The following LRSAM1 variants were observed in gnomAD, a reference collection of about 807,000 sequenced individuals.
LRSAM1 encodes E3 ubiquitin-protein ligase LRSAM1.
LRSAM1 carries 96 observed loss-of-function variants against 118.1 expected under a neutral mutation model. The ratio of observed to expected loss-of-function variants is 0.81; its 90% CI spans 0.69 to 0.96. The LOEUF is 0.96. Among genes scored for constraint, LRSAM1 ranks in the 40% least tolerant of loss-of-function variants. The probability of loss-of-function intolerance (pLI) is 0.00; values close to 1 mark genes in which losing one functional copy is unlikely to be tolerated. For synonymous variants in LRSAM1, 322 were observed against 364.2 expected, an observed-to-expected ratio of 0.88 and a Z score of 1.32; for missense variants, 804 against 915.5, an observed-to-expected ratio of 0.88 and a Z score of 1.57.
rs534666587 is a variant in LRSAM1 at position 127,473,359 on chromosome 9, G to A, written c.620-442G>A. On this transcript the variant is annotated intron_variant, in intron 10 of 25. Coordinates refer to ENST00000300417, the MANE Select transcript of LRSAM1 (RefSeq NM_001005373.4). ...ATAAAGAGCACCTACAAATCAACAG[G>A]AAAAAGACAAACAGCCAAATAGGAA... Among the ~76,000 whole-genome samples, 8 of 152,284 alleles carry A rather than the reference G, an allele frequency of 5.3e-5. 1 individual carries two copies. The South Asian group carries it at 1.7e-3, about 32-fold the overall frequency.
rs1225137439 is a variant in LRSAM1, at chr9:127,495,350, C to A, written c.1630C>A (p.Gln544Lys). The change falls in exon 22 of 26, where the codon CAG (glutamine) becomes AAG (lysine). Residue 544 changes from glutamine (Q) to lysine (K), a missense_variant. Gln to Lys is a moderately conservative substitution (Grantham distance 53). Transcript: ENST00000300417. ...TELEAKSETR[Q>K]ENYWLIQYQR... Reference sequence around the variant, plus strand: ...GTTAGAAGCCAAAAGTGAAACCAGGCAGGAAAATTACTGGCTGATTCAGTA... The same window carrying A: ...GTTAGAAGCCAAAAGTGAAACCAGGAAGGAAAATTACTGGCTGATTCAGTA... 3 of 1,614,074 alleles carry A rather than the reference C, an allele frequency of 1.9e-6. No homozygotes were observed. The Admixed American group carries it at 5.0e-5, about 27-fold the overall frequency.
At chr9:127,477,361 G>A (rs1459014023) in intron 11 of LRSAM1, among the ~76,000 whole-genome samples, 1 of 152,152 alleles carries the variant, frequency 6.6e-6, no homozygotes, top group Non-Finnish European at 1.5e-5. Context: ...CCTACCATTA[G>A]TATAGGCAAA....
chr9:127,484,810 C>CT lies in LRSAM1; in HGVS notation c.1160-910dup, dbSNP rs1376461812. Among the ~76,000 whole-genome samples the CT allele has an allele frequency of 9.4e-3, 1,273 of 135,126 alleles. 14 individuals carry two copies. The highest frequency in any genetic ancestry group is 0.012 in the African/African-American group (419 of 35,734). The allele number at this position is 135,126 out of a possible 152,430, so 88.6% of individuals were successfully genotyped here. On this transcript the variant is annotated intron_variant, in intron 16 of 25. Coordinates refer to ENST00000300417, the MANE Select transcript of LRSAM1 (RefSeq NM_001005373.4). ...TTAATTTTTTGATTTTTCTTTTTTT[C>CT]TTTTTTTTTTTTTTTTGAGATAGGG...
At position 127,473,887 on chromosome 9, in the gene LRSAM1, G is replaced by A. The variant is rs551957380; in HGVS notation, c.706G>A (p.Asp236Asn). The A allele has an allele frequency of 9.7e-5, 157 of 1,614,268 alleles. 1 individual carries two copies. The South Asian group carries it at 1.6e-3, about 17-fold the overall frequency. Residue 236 changes from aspartate (D) to asparagine (N), a missense_variant, in exon 11 of 26, where the codon GAT (aspartate) becomes AAT (asparagine). Transcript: ENST00000300417. ...DGIENSRDSP[D>N]GPTDRFSREE... is the part of the protein sequence containing the mutation. ...AATCGAGAACTCTCGGGACAGCCCT[G>A]ATGGGCCCACGGACAGATTCTCAAG...
Position 127,503,152 on chromosome 9 carries a change from G to T in LRSAM1, c.*253G>T. ...TGGAGAGGCCGCTGCACCACCACCC[G>T]AGCCTGGGAGCCAGCGTCCCAGCCT... On this transcript the variant is annotated 3_prime_UTR_variant, in exon 26 of 26. Transcript: ENST00000300417. The T allele has an allele frequency of 1.9e-6, 1 of 538,724 alleles. No homozygotes were observed. 33.4% of individuals were successfully genotyped at this position (538,724 alleles called of 1,614,324 possible). A position where few individuals can be genotyped will look rare whatever the true frequency, so the allele number is the denominator to read the frequency against.
intron 2 of LRSAM1, among the ~76,000 whole-genome samples, chr9:127,452,931 G>A (rs971544459): frequency 1.3e-5 from 2 of 152,196 alleles, no homozygotes; most frequent in Admixed American, 6.5e-5. Flanking sequence ...TCAGGACAGT[G>A]TACTTCGTGT....
rs531034044 is a variant in LRSAM1, at chr9:127,460,872, T to C, written c.322-301T>C. 5.4e-3 allele frequency among the ~76,000 whole-genome samples: 760 copies of C among 141,566 alleles called. 8 individuals are homozygous for C. The highest frequency in any genetic ancestry group is 0.02 in the African/African-American group (713 of 35,222). 92.9% of individuals were successfully genotyped at this position (141,566 alleles called of 152,430 possible). The stretch of plus-strand genomic sequence containing the variant: ...CTTTTTTTTTTTTTTTTTTTTTTTT[T>C]TGAGACGGAGTCTCACTCTGTTGCC... On this transcript the variant is annotated intron_variant, in intron 7 of 25. Transcript: ENST00000300417.
chr9:127,478,884 A>G (rs774644108), intron 11 of LRSAM1, 50 bp from the exon 12 acceptor site: 15 of 1,603,346 alleles, frequency 9.4e-6, no homozygotes, highest in East Asian at 8.9e-5. Flanking sequence ...CATGCCAGGG[A>G]GAACCACTGC....
chr9:127,467,755 G>T lies in LRSAM1; in HGVS notation c.544G>T (p.Ala182Ser), dbSNP rs780636250. The T allele has an allele frequency of 1.2e-6, 2 of 1,610,310 alleles. No homozygotes were observed. The highest frequency in any genetic ancestry group is 1.7e-6 in the Non-Finnish European group (2 of 1,178,834). Residue 182 changes from alanine (A) to serine (S), a missense_variant, in exon 10 of 26, where the codon GCC (alanine) becomes TCC (serine). Ala to Ser is a moderately conservative substitution (Grantham distance 99). Coordinates refer to ENST00000300417, the MANE Select transcript of LRSAM1 (RefSeq NM_001005373.4). ...VRTLEMLSLDASAMVYPPREV... is the reference protein window; with the variant it reads ...VRTLEMLSLDSSAMVYPPREV... Reference sequence around the variant, plus strand: ...GTGTCTGCAGATGCTGAGCCTTGACGCCTCGGCCATGGTCTACCCGCCGCG... The same window carrying T: ...GTGTCTGCAGATGCTGAGCCTTGACTCCTCGGCCATGGTCTACCCGCCGCG...
At chr9:127,491,620 C>T (rs958207312) in intron 20 of LRSAM1, among the ~76,000 whole-genome samples, 14 of 152,268 alleles carry the variant, frequency 9.2e-5, no homozygotes, top group African/African-American at 3.4e-4. Context: ...GCTCCTGTCT[C>T]TCTCTGTAGG....
At chr9:127,477,929 A>G (rs1305839192) in intron 11 of LRSAM1, among the ~76,000 whole-genome samples, 1 of 151,568 alleles carries the variant, frequency 6.6e-6, no homozygotes, top group African/African-American at 2.4e-5. Context: ...GGTGCCTGTA[A>G]TCCCAGCTAC....
chr9:127,481,355 C>G lies in LRSAM1; in HGVS notation c.1088+128C>G, dbSNP rs559595077. On this transcript the variant is annotated intron_variant, in intron 15 of 25. Coordinates refer to ENST00000300417, the MANE Select transcript of LRSAM1 (RefSeq NM_001005373.4). ...GCAACCCCCGCCGCCCAGGTCCAAG[C>G]AATTCCCCTGCCTCAGCCTCCCGAG... is the stretch of plus-strand genomic sequence containing the variant. The G allele has an allele frequency of 1.3e-4, 120 of 920,190 alleles. No individual in the cohort carries two copies. In the African/African-American group the frequency reaches 1.8e-3, roughly 14 times the overall value. The allele number at this position is 920,190 out of a possible 1,614,324, so 57.0% of individuals were successfully genotyped here. A position where few individuals can be genotyped will look rare whatever the true frequency, so the allele number is the denominator to read the frequency against.
At chr9:127,480,947 G>A (rs1004505603) in intron 14 of LRSAM1, among the ~76,000 whole-genome samples, 1 of 152,174 alleles carries the variant, frequency 6.6e-6, no homozygotes, top group African/African-American at 2.4e-5. Context: ...CCAAAGTGCT[G>A]GGATTACAGA....
At chr9:127,488,145 A>G (rs1044897614) in intron 18 of LRSAM1, among the ~76,000 whole-genome samples, 5 of 152,232 alleles carry the variant, frequency 3.3e-5, no homozygotes, top group Admixed American at 6.5e-5. Flanking sequence ...CTGTGCTGCT[A>G]TCTGCTCTTC....
rs752028583 is a variant in LRSAM1 at position 127,457,298 on chromosome 9, G to A, written c.175-18G>A. Reference sequence around the variant, plus strand: ...TGCTCTTCCTCAGCCCAGCATGGCCGCACATCTCTCCACACAGGTGCTGAT... The same window carrying A: ...TGCTCTTCCTCAGCCCAGCATGGCCACACATCTCTCCACACAGGTGCTGAT... On this transcript the variant is annotated intron_variant, in intron 5 of 25. Coordinates refer to ENST00000300417, the MANE Select transcript of LRSAM1 (RefSeq NM_001005373.4). 6.1e-5 allele frequency: 98 copies of A among 1,613,570 alleles called. 1 individual carries two copies. The South Asian group carries it at 9.9e-4, about 16-fold the overall frequency.
At chr9:127,481,898 A>T (rs1835552180) in intron 15 of LRSAM1, among the ~76,000 whole-genome samples, 1 of 151,976 alleles carries the variant, frequency 6.6e-6, no homozygotes, top group Non-Finnish European at 1.5e-5. Flanking sequence ...TCTACTAAAA[A>T]TCAAAACTTA....
chr9:127,462,629 C>T (rs1299891747), intron 9 of LRSAM1, among the ~76,000 whole-genome samples: 1 of 152,030 alleles, frequency 6.6e-6, no homozygotes, highest in Non-Finnish European at 1.5e-5. Context: ...GAGGCTGACA[C>T]TTTAAGAAAG....
chr9:127,460,408 A>G (rs940052352), intron 7 of LRSAM1, among the ~76,000 whole-genome samples: 1 of 152,244 alleles, frequency 6.6e-6, no homozygotes, highest in African/African-American at 2.4e-5. Context: ...GCCCTGGTTC[A>G]GTCCCAGCAC....
rs1247799703 is a variant in LRSAM1 at position 127,489,329 on chromosome 9, G to GA, written c.1348-109dup. On this transcript the variant is annotated intron_variant, in intron 18 of 25. Transcript: ENST00000300417. ...GAGGTGAAATCTTCTCCCTCTCTCA[G>GA]AAAAAACCCATCCATTAAGGTGCTT... is the stretch of plus-strand genomic sequence containing the variant. 1.5e-5 allele frequency: 19 copies of GA among 1,253,238 alleles called. No homozygotes were observed. The Admixed American group carries it at 3.6e-4, about 24-fold the overall frequency. The allele number at this position is 1,253,238 out of a possible 1,614,324, so 77.6% of individuals were successfully genotyped here.
Sources: allele counts gnomAD v4.1 joint callset (sites outside exome capture counted in the v4.1 genomes callset), GRCh38; gene constraint gnomAD v4.1.1; transcripts MANE v1.5; gene names NCBI Gene and HGNC (gene_info 2026-07-23, HGNC 2026-07-21).